SSH2: variants seen among roughly 807,000 people sequenced by gnomAD.
The protein encoded by SSH2 is protein phosphatase Slingshot homolog 2.
Under a neutral mutation model 135.2 loss-of-function variants are expected in SSH2, and 37 were observed. The observed-to-expected ratio is 0.27, with a 90% CI of 0.21 to 0.36. The LOEUF (loss-of-function observed/expected upper bound fraction) is 0.36. Among genes scored for constraint, SSH2 ranks in the 10% least tolerant of loss-of-function variants. The probability of loss-of-function intolerance (pLI) is 1.00; values close to 1 mark genes in which losing one functional copy is unlikely to be tolerated. For synonymous variants in SSH2, 628 were observed against 646.2 expected (o/e 0.97, Z 0.43); for missense variants, 1,408 against 1,765.3 (o/e 0.80, Z 3.63).
intron 3 of SSH2, among the ~76,000 whole-genome samples, chr17:29,793,159 C>T (rs532094694): frequency 3.5e-4 from 53 of 152,016 alleles, no homozygotes; most frequent in African/African-American, 1.2e-3. Flanking sequence ...TTTTAAAAAC[C>T]CTTAAAGGAG....
At chr17:29,743,588 A>G (rs917487028) in intron 3 of SSH2, among the ~76,000 whole-genome samples, 1 of 152,210 alleles carries the variant, frequency 6.6e-6, no homozygotes, top group Non-Finnish European at 1.5e-5. Context: ...ACTATGGGAG[A>G]GCCACAGGGG....
chr17:29,632,247 C>G lies in SSH2; in HGVS notation c.2947G>C (p.Ala983Pro), dbSNP rs1355481813. The G allele has an allele frequency of 6.2e-7, 1 of 1,614,056 alleles. No homozygotes were observed. ...SHSEQNATVP[A>P]PRVLEFDHLP... ...TGGTCAAACTCCAGCACCCTGGGAG[C>G]TGGAACAGTGGCATTCTGCTCAGAA... Residue 983 changes from alanine (A) to proline (P), a missense_variant, in exon 16 of 16, where the codon GCT becomes CCT. Physicochemically the swap from Ala to Pro is conservative, Grantham distance 27. Around this residue, in one of 3 missense-constraint regions of SSH2, gnomAD observed 1,080 missense variants for 1,144.5 expected, o/e 0.94. Transcript: ENST00000540801.
chr17:29,836,027 AT>A (rs2042938538), intron 2 of SSH2, among the ~76,000 whole-genome samples: 1 of 151,218 alleles, frequency 6.6e-6, no homozygotes, highest in Non-Finnish European at 1.5e-5. Context: ...ATTATTAATA[AT>A]TTTATTATTT....
intron 3 of SSH2, among the ~76,000 whole-genome samples, chr17:29,757,783 G>T (rs1458186861): frequency 2.9e-5 from 4 of 139,878 alleles, no homozygotes; most frequent in Admixed American, 7.1e-5. Flanking sequence ...TGGCAGGGGT[G>T]GGGGGTGGGG....
chr17:29,655,909 TTC>T (rs1335466114), intron 11 of SSH2, among the ~76,000 whole-genome samples: 1 of 152,332 alleles, frequency 6.6e-6, no homozygotes, highest in Admixed American at 6.5e-5. Flanking sequence ...ATTAGATGTC[TTC>T]TGTTATTCTT....
intron 14 of SSH2, chr17:29,645,699 T>G (rs1271915609): frequency 6.6e-6 from 1 of 152,178 alleles, no homozygotes; most frequent in Non-Finnish European, 1.5e-5. Context: ...ACATCCTACC[T>G]TCTGATCTAA....
chr17:29,735,028 G>C (rs550031661), intron 3 of SSH2, among the ~76,000 whole-genome samples: 1 of 152,226 alleles, frequency 6.6e-6, no homozygotes, highest in South Asian at 2.1e-4. Flanking sequence ...AATTGGGGGT[G>C]GGGGAGATGT....
intron 14 of SSH2, among the ~76,000 whole-genome samples, chr17:29,639,433 T>TCCGGG (rs1158753233): frequency 6.6e-6 from 1 of 151,876 alleles, no homozygotes; most frequent in Non-Finnish European, 1.5e-5. Flanking sequence ...TGCCCTGGGC[T>TCCGGG]CCGGGCCACG....
At position 29,680,733 on chromosome 17, in the gene SSH2, G is replaced by A. The variant is rs557211215; in HGVS notation, c.480-2992C>T. On this transcript the variant is annotated intron_variant, in intron 6 of 15. Coordinates refer to ENST00000540801, the MANE Select transcript of SSH2 (RefSeq NM_001282129.2). ...GTTTTGTTGAGTAGATGAGATGAGCGCACAAAAAAATTTGTTTTGAAAACG... is the reference window on the plus strand; with the variant it reads ...GTTTTGTTGAGTAGATGAGATGAGCACACAAAAAAATTTGTTTTGAAAACG... Among the ~76,000 whole-genome samples the A allele has an allele frequency of 2.3e-4, 35 of 151,992 alleles. 1 individual carries two copies. The South Asian group carries it at 5.6e-3, about 24-fold the overall frequency.
chr17:29,910,306 C>A (rs1467181129), intron 1 of SSH2, among the ~76,000 whole-genome samples: 1 of 139,164 alleles, frequency 7.2e-6, no homozygotes, highest in East Asian at 2.2e-4. Flanking sequence ...AGAGGGTACA[C>A]CCCTGCCCAT....
chr17:29,863,077 T>TA lies in SSH2; in HGVS notation c.64-14149dup, dbSNP rs529483997. On this transcript the variant is annotated intron_variant, in intron 1 of 15. Coordinates refer to ENST00000540801, the MANE Select transcript of SSH2 (RefSeq NM_001282129.2). Reference sequence around the variant, plus strand: ...ATTTTAAAAAGGATTGTTTTTTTTTTAAAAAAAAGGACAAAGAATGTGCAA... The same window carrying TA: ...ATTTTAAAAAGGATTGTTTTTTTTTTAAAAAAAAAGGACAAAGAATGTGCAA... 7.2e-4 allele frequency among the ~76,000 whole-genome samples: 109 copies of TA among 151,420 alleles called. 1 individual carries two copies. The highest frequency in any genetic ancestry group is 4.8e-3 in the South Asian group (23 of 4,774).
intron 3 of SSH2, among the ~76,000 whole-genome samples, chr17:29,757,029 G>A (rs2041151384): frequency 6.6e-6 from 1 of 152,198 alleles, no homozygotes; most frequent in South Asian, 2.1e-4. Flanking sequence ...TTTTGAGAGG[G>A]TTCTCAGCAG....
intron 2 of SSH2, among the ~76,000 whole-genome samples, chr17:29,823,839 A>G (rs1318175468): frequency 2.2e-5 from 3 of 138,400 alleles, no homozygotes; most frequent in African/African-American, 8.1e-5. Context: ...AGATCATGCC[A>G]TTGCACTCCA....
chr17:29,683,887 G>T (rs143688614), intron 6 of SSH2, among the ~76,000 whole-genome samples: 1 of 152,094 alleles, frequency 6.6e-6, no homozygotes, highest in Non-Finnish European at 1.5e-5. Context: ...ATTTGAGGCC[G>T]TAGTGAGCTG....
rs1157073718 is a variant in SSH2, at chr17:29,761,887, A to AT, written c.188+32006dup. Among the ~76,000 whole-genome samples the AT allele has an allele frequency of 2.5e-3, 358 of 143,608 alleles. 1 individual carries two copies. Among genetic ancestry groups the AT allele is most frequent in the Middle Eastern group, 3.6e-3 (1 of 280 alleles). 94.2% of individuals were successfully genotyped at this position (143,608 alleles called of 152,430 possible). A position where few individuals can be genotyped will look rare whatever the true frequency, so the allele number is the denominator to read the frequency against. On this transcript the variant is annotated intron_variant, in intron 3 of 15. Coordinates refer to ENST00000540801, the MANE Select transcript of SSH2 (RefSeq NM_001282129.2). ...TGTGTGTGTGTATATATATATATATATTTTTTTTTGAGATGGAGTTTCTGC... is the reference window on the plus strand; with the variant it reads ...TGTGTGTGTGTATATATATATATATATTTTTTTTTTGAGATGGAGTTTCTGC...
Position 29,632,221 on chromosome 17 carries a change from G to C in SSH2, c.2973C>G (p.His991Gln), listed in dbSNP as rs962314609. The C allele has an allele frequency of 6.2e-7, 1 of 1,613,930 alleles. No individual in the cohort carries two copies. The highest frequency in any genetic ancestry group is 8.5e-7 in the Non-Finnish European group (1 of 1,179,930). ...CTGGGCCCTCCTGAGGATCTGGCAAGTGGTCAAACTCCAGCACCCTGGGAG... is the reference window on the plus strand; with the variant it reads ...CTGGGCCCTCCTGAGGATCTGGCAACTGGTCAAACTCCAGCACCCTGGGAG... The part of the protein sequence containing the change: ...VPAPRVLEFD[H>Q]LPDPQEGPGS... The change falls in exon 16 of 16, where the codon CAC becomes CAG. Residue 991 changes from histidine to glutamine, a missense_variant. Coordinates refer to ENST00000540801, the MANE Select transcript of SSH2 (RefSeq NM_001282129.2).
In SSH2 at chr17:29,746,621, T is replaced by G. The variant is rs541077091; in HGVS notation, c.189-43559A>C. 5.9e-5 allele frequency among the ~76,000 whole-genome samples: 9 copies of G among 151,458 alleles called. No homozygotes were observed. The South Asian group carries it at 1.3e-3, about 21-fold the overall frequency. On this transcript the variant is annotated intron_variant, in intron 3 of 15. Transcript: ENST00000540801. ...TATGGGAAATTAAAACTTTTGATGT[T>G]CATGAGAACTGTGTATATTAACATT...
rs2037297322 is a variant in SSH2 at position 29,666,787 on chromosome 17, TA to T, written c.1032+79del. On this transcript the variant is annotated intron_variant, in intron 11 of 15. Coordinates refer to ENST00000540801, the MANE Select transcript of SSH2 (RefSeq NM_001282129.2). Reference sequence around the variant, plus strand: ...TAAGTTACATTTTATTTATGTATAATAAAATTTAATAATTACCCCTGCCCAT... The same window carrying T: ...TAAGTTACATTTTATTTATGTATAATAAATTTAATAATTACCCCTGCCCAT... 3.7e-6 allele frequency: 5 copies of T among 1,351,884 alleles called. No homozygotes were observed. In the Admixed American group the frequency reaches 6.6e-5, roughly 18 times the overall value. 83.7% of individuals were successfully genotyped at this position (1,351,884 alleles called of 1,614,324 possible).
chr17:29,863,077 T>A (rs4794862), intron 1 of SSH2, among the ~76,000 whole-genome samples: 2,761 of 151,416 alleles, frequency 0.018, 36 homozygotes, highest in African/African-American at 0.024. Flanking sequence ...GTTTTTTTTT[T>A]AAAAAAAAGG....
Sources: allele counts gnomAD v4.1 joint callset (sites outside exome capture counted in the v4.1 genomes callset), GRCh38; gene constraint gnomAD v4.1.1; regional missense constraint gnomAD v4.1.1; transcripts MANE v1.5; gene names NCBI Gene and HGNC (gene_info 2026-07-23, HGNC 2026-07-21).